Variants in GALNT14 observed in about 807,000 individuals in gnomAD.
GALNT14 encodes polypeptide N-acetylgalactosaminyltransferase 14, also known as UDP-GalNAc:polypeptide N-acetylgalactosaminyltransferase 14.
A neutral mutation model predicts 77.5 loss-of-function variants in GALNT14; 60 were observed. That is an observed-to-expected ratio of 0.77 (90% CI 0.63 to 0.96). GALNT14 has a LOEUF of 0.96. Among genes scored for constraint, GALNT14 ranks in the 40% least tolerant of loss-of-function variants. The pLI, the probability that GALNT14 is intolerant of heterozygous loss-of-function variation, is 0.00. For synonymous variants in GALNT14, 280 were observed against 281.7 expected, an observed-to-expected ratio of 0.99 and a Z score of 0.06; for missense variants, 710 against 731.0, an observed-to-expected ratio of 0.97 and a Z score of 0.33.
intron 1 of GALNT14, among the ~76,000 whole-genome samples, chr2:31,008,810 A>G (rs949534683): frequency 1.3e-5 from 2 of 152,232 alleles, no homozygotes. Context: ...ATTACAGTGC[A>G]GTCGACACCG....
chr2:31,061,521 C>T (rs2148541931), intron 1 of GALNT14, among the ~76,000 whole-genome samples: 1 of 152,206 alleles, frequency 6.6e-6, no homozygotes, highest in Non-Finnish European at 1.5e-5. Context: ...TTCCTAAAAC[C>T]AAACAATGAC....
chr2:30,920,882 C>G (rs79386088), intron 13 of GALNT14, among the ~76,000 whole-genome samples: 1 of 152,130 alleles, frequency 6.6e-6, no homozygotes, highest in Non-Finnish European at 1.5e-5. Context: ...GTGGACTGAG[C>G]GTCATCCTGT....
intron 2 of GALNT14, among the ~76,000 whole-genome samples, chr2:30,979,600 G>T (rs1668861796): frequency 6.6e-6 from 1 of 152,174 alleles, no homozygotes; most frequent in Non-Finnish European, 1.5e-5. Context: ...GGAGATCAGG[G>T]ATTCCTCTTG....
At chr2:30,888,210 A>G in the GALNT14 span, among the ~76,000 whole-genome samples, 1 of 152,152 alleles carries the variant, frequency 6.6e-6, no homozygotes, top group African/African-American at 2.4e-5. Flanking sequence ...TCTGCACTCT[A>G]AGACTGAGCT....
At chr2:31,031,876 T>C (rs1231372295) in intron 1 of GALNT14, among the ~76,000 whole-genome samples, 1 of 152,150 alleles carries the variant, frequency 6.6e-6, no homozygotes, top group Non-Finnish European at 1.5e-5. Context: ...CACAAAATGC[T>C]GGGATACAGT....
chr2:30,939,397 T>C (rs913122460), intron 9 of GALNT14, among the ~76,000 whole-genome samples: 4 of 151,976 alleles, frequency 2.6e-5, no homozygotes, highest in Non-Finnish European at 5.9e-5. Context: ...TAATAGTGGG[T>C]TGGACTCACT....
intron 1 of GALNT14, among the ~76,000 whole-genome samples, chr2:31,079,727 C>T (rs541982119): frequency 2.6e-5 from 4 of 152,250 alleles, no homozygotes; most frequent in South Asian, 4.2e-4. Flanking sequence ...TGGCACAACA[C>T]AAAGTGGTGG....
chr2:31,034,630 G>GA (rs1353145890), intron 1 of GALNT14, among the ~76,000 whole-genome samples: 1 of 151,892 alleles, frequency 6.6e-6, no homozygotes, highest in Non-Finnish European at 1.5e-5. Context: ...AGTTGTTTTA[G>GA]ATTTAGTTTA....
chr2:30,935,723 T>C (rs1666015752), intron 9 of GALNT14, among the ~76,000 whole-genome samples: 1 of 152,146 alleles, frequency 6.6e-6, no homozygotes, highest in Non-Finnish European at 1.5e-5. Context: ...TTCAAGGAAA[T>C]GATGTGTATC....
intron 1 of GALNT14, among the ~76,000 whole-genome samples, chr2:31,008,237 C>T (rs866044190): frequency 2.6e-5 from 4 of 152,086 alleles, no homozygotes; most frequent in African/African-American, 7.2e-5. Flanking sequence ...TACAGGCACA[C>T]GACACCATGC....
At chr2:30,923,970 G>T (rs1404398125) in intron 13 of GALNT14, 149 bp downstream of exon 13, 1 of 860,844 alleles carries the variant, frequency 1.2e-6, no homozygotes, top group Non-Finnish European at 1.9e-6. Context: ...TGGCAGAGTG[G>T]GGGGATCACA....
intron 8 of GALNT14, 117 bp downstream of exon 8, chr2:30,944,741 C>G (rs531131106): frequency 1.3e-6 from 1 of 797,442 alleles, no homozygotes; most frequent in Non-Finnish European, 1.9e-6. Flanking sequence ...GATGGCCTGG[C>G]AAAGGGCTCC....
intron 1 of GALNT14, chr2:31,065,180 T>C (rs1674864137): frequency 1.3e-5 from 2 of 152,092 alleles, no homozygotes; most frequent in Non-Finnish European, 2.9e-5. Flanking sequence ...ATTGGTTTTA[T>C]TATTTTAAAT....
In GALNT14 at chr2:31,137,940, C is replaced by A; in HGVS notation, c.129+18G>T. The A allele has an allele frequency of 3.1e-6, 5 of 1,602,026 alleles. No homozygotes were observed. The highest frequency in any genetic ancestry group is 4.3e-6 in the Non-Finnish European group (5 of 1,174,154). The stretch of plus-strand genomic sequence containing the variant: ...CGCAAGCCACCGCTCAGCGCCAGCG[C>A]GCCGGCAAGCCGCCTACCTTAGGGG... On this transcript the variant is annotated intron_variant, in intron 1 of 14. Coordinates refer to ENST00000349752, the MANE Select transcript of GALNT14 (RefSeq NM_024572.4).
At chr2:30,968,455 G>C (rs75388986) in intron 2 of GALNT14, among the ~76,000 whole-genome samples, 9,471 of 152,278 alleles carry the variant, frequency 0.062, 368 homozygotes, top group Non-Finnish European at 0.089. Context: ...TGCAGGCTCT[G>C]CCTTGGCCAC....
At chr2:31,036,984 T>C (rs1672772279) in intron 1 of GALNT14, among the ~76,000 whole-genome samples, 1 of 152,222 alleles carries the variant, frequency 6.6e-6, no homozygotes, top group South Asian at 2.1e-4. Context: ...GAGTTTATCC[T>C]GTCTGGAGTC....
intron 6 of GALNT14, among the ~76,000 whole-genome samples, chr2:30,950,218 CT>C (rs200700856): frequency 6.6e-6 from 1 of 151,422 alleles, no homozygotes. Flanking sequence ...TTCTTAAAAT[CT>C]TTTTTTTCCC....
chr2:31,039,175 T>C (rs1489343141), intron 1 of GALNT14, among the ~76,000 whole-genome samples: 1 of 152,250 alleles, frequency 6.6e-6, no homozygotes, highest in African/African-American at 2.4e-5. Flanking sequence ...TGTGGTTTTT[T>C]TGGAGGTACC....
intron 1 of GALNT14, chr2:31,079,116 T>C (rs1675997406): frequency 8.5e-7 from 1 of 1,181,940 alleles, no homozygotes; most frequent in Non-Finnish European, 1.1e-6. Context: ...TTGGCATAGG[T>C]GACCACACCT....
Sources: allele counts gnomAD v4.1 joint callset (sites outside exome capture counted in the v4.1 genomes callset), GRCh38; gene constraint gnomAD v4.1.1; transcripts MANE v1.5; gene names NCBI Gene and HGNC (gene_info 2026-07-23, HGNC 2026-07-21).